DLGAP2: variants seen among roughly 807,000 people sequenced by gnomAD.
DLGAP2 encodes the protein DLG associated protein 2.
In DLGAP2, 26 loss-of-function variants were observed where a neutral mutation model predicts 100.3. That is an observed-to-expected ratio of 0.26 (90% CI 0.19 to 0.36). The LOEUF is 0.36. DLGAP2 is among the 10% of genes least tolerant of loss of function. The pLI is 1.00. For synonymous variants in DLGAP2, 886 were observed against 630.1 expected (o/e 1.41, Z -6.08); for missense variants, 1,858 against 1,453.2 (o/e 1.28, Z -4.53).
chr8:1,340,274 G>A (rs958180630), intron 3 of DLGAP2, among the ~76,000 whole-genome samples: 3 of 152,116 alleles, frequency 2.0e-5, no homozygotes, highest in African/African-American at 7.2e-5. Context: ...CACAACAAAA[G>A]AAACTAGCAT....
intron 2 of DLGAP2, among the ~76,000 whole-genome samples, chr8:1,083,382 T>A (rs1803873322): frequency 6.6e-6 from 1 of 152,194 alleles, no homozygotes; most frequent in Non-Finnish European, 1.5e-5. Context: ...CCATTCTCTG[T>A]TTCTAAATCT....
At chr8:872,910 C>T (rs367889348) in intron 1 of DLGAP2, among the ~76,000 whole-genome samples, 8 of 152,260 alleles carry the variant, frequency 5.3e-5, no homozygotes, top group African/African-American at 9.6e-5. Flanking sequence ...CGCAGATCCA[C>T]GGATGCTCAA....
At chr8:823,224 G>A (rs566405051) in intron 1 of DLGAP2, among the ~76,000 whole-genome samples, 58 of 152,262 alleles carry the variant, frequency 3.8e-4, no homozygotes, top group African/African-American at 1.3e-3. Context: ...AGACCAAGTT[G>A]CCACCTCAGG....
intron 2 of DLGAP2, among the ~76,000 whole-genome samples, chr8:1,062,431 A>G (rs999426857): frequency 1.5e-4 from 22 of 144,630 alleles, no homozygotes; most frequent in African/African-American, 5.6e-4. Flanking sequence ...GTCCACCCAG[A>G]CGCCTCCTGC....
At position 1,255,783 on chromosome 8, in the gene DLGAP2, C is replaced by G. The variant is rs553027983; in HGVS notation, c.74-3068C>G. ...CCTGCCTGGGTGCTGTGTGTGTGTC[C>G]TCTCATCCTGCCTGGGTGCTATGTG... On this transcript the variant is annotated intron_variant, in intron 2 of 14. Coordinates refer to ENST00000637795, the MANE Select transcript of DLGAP2 (RefSeq NM_001346810.2). 3.0e-5 allele frequency among the ~76,000 whole-genome samples: 4 copies of G among 131,744 alleles called. No individual in the cohort carries two copies. In the South Asian group the frequency reaches 1.1e-3, roughly 36 times the overall value. The allele number at this position is 131,744 out of a possible 152,430, so 86.4% of individuals were successfully genotyped here.
At chr8:1,598,565 A>G (rs1796529409) in intron 6 of DLGAP2, among the ~76,000 whole-genome samples, 1 of 152,058 alleles carries the variant, frequency 6.6e-6, no homozygotes. Context: ...GTATTCAGGG[A>G]TTTGACTTAT....
chr8:1,586,688 G>T (rs1196420285), intron 6 of DLGAP2, among the ~76,000 whole-genome samples: 1 of 152,222 alleles, frequency 6.6e-6, no homozygotes, highest in Non-Finnish European at 1.5e-5. Flanking sequence ...TCCTTCTGTG[G>T]CGGACTCTAG....
intron 5 of DLGAP2, among the ~76,000 whole-genome samples, chr8:1,563,427 G>T: frequency 1.2e-5 from 1 of 86,562 alleles, no homozygotes; most frequent in East Asian, 3.7e-4. Flanking sequence ...TGGTGTTGGG[G>T]TGTCCGCGCC....
At position 1,474,418 on chromosome 8, in the gene DLGAP2, C is replaced by T. The variant is rs180790414; in HGVS notation, c.107-26948C>T. ...TCAGGAGTGGGGTTGCTGGGTCAAACGGTGGGTCTACTCTTAGTTCTTCAA... is the reference window on the plus strand; with the variant it reads ...TCAGGAGTGGGGTTGCTGGGTCAAATGGTGGGTCTACTCTTAGTTCTTCAA... On this transcript the variant is annotated intron_variant, in intron 3 of 14. Coordinates refer to ENST00000637795, the MANE Select transcript of DLGAP2 (RefSeq NM_001346810.2). 8.5e-5 allele frequency among the ~76,000 whole-genome samples: 13 copies of T among 152,240 alleles called. No homozygotes were observed. In the East Asian group the frequency reaches 2.1e-3, roughly 25 times the overall value.
intron 2 of DLGAP2, among the ~76,000 whole-genome samples, chr8:976,706 A>G (rs1192032906): frequency 6.6e-6 from 1 of 152,232 alleles, no homozygotes; most frequent in Admixed American, 6.5e-5. Flanking sequence ...GGCTTTTTCA[A>G]AAACGGTGCT....
At chr8:822,172 A>T in intron 1 of DLGAP2, 1 of 399,580 alleles carries the variant, frequency 2.5e-6, no homozygotes, top group Non-Finnish European at 4.4e-6. Flanking sequence ...CGCCCAGCCC[A>T]GCCACAATGG....
chr8:874,894 G>T (rs1398883466), intron 1 of DLGAP2, among the ~76,000 whole-genome samples: 5 of 152,130 alleles, frequency 3.3e-5, no homozygotes, highest in African/African-American at 1.2e-4. Context: ...TGTTGTTAAG[G>T]TGCATGTGTG....
At chr8:758,106 A>G (rs894201258) in intron 1 of DLGAP2, among the ~76,000 whole-genome samples, 5 of 152,262 alleles carry the variant, frequency 3.3e-5, no homozygotes, top group African/African-American at 1.2e-4. Flanking sequence ...GATCAGAATG[A>G]AAATGAGCTC....
intron 6 of DLGAP2, among the ~76,000 whole-genome samples, chr8:1,590,945 T>C (rs1037171513): frequency 2.0e-5 from 3 of 152,210 alleles, no homozygotes; most frequent in Non-Finnish European, 4.4e-5. Flanking sequence ...CCATCTTCAA[T>C]GGTGTTGGAG....
At chr8:1,338,571 C>G (rs972359579) in intron 3 of DLGAP2, among the ~76,000 whole-genome samples, 3 of 152,128 alleles carry the variant, frequency 2.0e-5, no homozygotes, top group Admixed American at 6.5e-5. Flanking sequence ...TTCTTGCACA[C>G]CTTTGTGAAT....
chr8:1,324,673 G>C (rs1032109393), intron 3 of DLGAP2, among the ~76,000 whole-genome samples: 1 of 152,178 alleles, frequency 6.6e-6, no homozygotes, highest in Non-Finnish European at 1.5e-5. Context: ...CTGTGTCCTT[G>C]AGCCATGTCC....
chr8:926,575 C>T (rs970789142), intron 2 of DLGAP2, among the ~76,000 whole-genome samples: 1 of 152,258 alleles, frequency 6.6e-6, no homozygotes, highest in Non-Finnish European at 1.5e-5. Flanking sequence ...GTGGGCTCTG[C>T]TCCTGCTGGG....
chr8:1,560,170 C>G (rs1162675987), intron 5 of DLGAP2, among the ~76,000 whole-genome samples: 2 of 152,320 alleles, frequency 1.3e-5, no homozygotes, highest in East Asian at 1.9e-4. Context: ...ATCTTCATCT[C>G]CTAGTGACGG....
At chr8:1,321,211 C>T (rs1477592427) in intron 3 of DLGAP2, among the ~76,000 whole-genome samples, 1 of 151,102 alleles carries the variant, frequency 6.6e-6, no homozygotes, top group Non-Finnish European at 1.5e-5. Flanking sequence ...ATCCATGTGC[C>T]TCTGCATGTG....
Sources: allele counts gnomAD v4.1 joint callset (sites outside exome capture counted in the v4.1 genomes callset), GRCh38; gene constraint gnomAD v4.1.1; transcripts MANE v1.5; gene names NCBI Gene and HGNC (gene_info 2026-07-23, HGNC 2026-07-21).